Variants in KIF3B observed in about 807,000 individuals in gnomAD.
KIF3B encodes kinesin-like protein KIF3B.
A neutral mutation model predicts 74.3 loss-of-function variants in KIF3B; 38 were observed. The ratio of observed to expected loss-of-function variants is 0.51; its 90% CI spans 0.39 to 0.67. The LOEUF is 0.67. KIF3B is among the 30% of genes least tolerant of loss of function. The pLI, the probability that KIF3B is intolerant of heterozygous loss-of-function variation, is 0.00. For missense variants in KIF3B, 649 were observed against 932.0 expected (o/e 0.70, Z 3.95); for synonymous variants, 326 against 342.5 (o/e 0.95, Z 0.53).
intron 1 of KIF3B, among the ~76,000 whole-genome samples, chr20:32,303,234 T>A (rs1012457423): frequency 1.3e-5 from 2 of 152,026 alleles, no homozygotes; most frequent in Admixed American, 6.6e-5. Context: ...TTAATCTGAA[T>A]TTTTTTTAGG....
intron 5 of KIF3B, among the ~76,000 whole-genome samples, chr20:32,323,078 TTATATATATTTATATTTATATATTTATA>T (rs2047881625): frequency 2.0e-5 from 2 of 99,854 alleles, no homozygotes; most frequent in South Asian, 5.1e-4. Flanking sequence ...ATTTATATAT[TTATATATATTTATATTTATATATTTATA>T]TATATTTATA....
intron 1 of KIF3B, among the ~76,000 whole-genome samples, chr20:32,295,908 G>A (rs1288606170): frequency 1.4e-5 from 2 of 143,398 alleles, no homozygotes; most frequent in African/African-American, 5.2e-5. Context: ...ACTGTCGCCT[G>A]GGCTGGAGTG....
intron 1 of KIF3B, among the ~76,000 whole-genome samples, chr20:32,297,040 C>G (rs2047720223): frequency 6.6e-6 from 1 of 151,914 alleles, no homozygotes. Flanking sequence ...CAGCTGCTTC[C>G]CCCGAGAGAA....
At chr20:32,285,139 A>G (rs535257829) in intron 1 of KIF3B, among the ~76,000 whole-genome samples, 1 of 150,812 alleles carries the variant, frequency 6.6e-6, no homozygotes, top group South Asian at 2.1e-4. Context: ...AGAATGTTTG[A>G]GAAAATCAAG....
At position 32,310,049 on chromosome 20, in the gene KIF3B, C is replaced by A; in HGVS notation, c.272C>A (p.Thr91Asn). The change falls in exon 2 of 9, where the codon ACC becomes AAC. Residue 91 changes from threonine to asparagine, a missense_variant. Around this residue, in one of 4 missense-constraint regions of KIF3B, gnomAD observed 96 missense variants for 119.0 expected, o/e 0.81. Transcript: ENST00000375712. The surrounding 1 kb of genome is among the most constrained non-coding windows in gnomAD (Gnocchi z 6.5). ...TCTGTCCTGCAAGGTTTCAATGGAA[C>A]CATTTTTGCCTATGGACAAACTGGG... ...VDSVLQGFNG[T>N]IFAYGQTGTG... The A allele has an allele frequency of 6.2e-7, 1 of 1,614,144 alleles. No homozygotes were observed. Among genetic ancestry groups the A allele is most frequent in the Non-Finnish European group, 8.5e-7 (1 of 1,180,026 alleles).
intron 1 of KIF3B, among the ~76,000 whole-genome samples, chr20:32,285,968 G>T (rs746457627): frequency 6.6e-6 from 1 of 152,176 alleles, no homozygotes; most frequent in Non-Finnish European, 1.5e-5. Context: ...CGGACATTGA[G>T]CTCTTCACAC....
At chr20:32,314,374 T>A (rs1044581609) in intron 2 of KIF3B, among the ~76,000 whole-genome samples, 2 of 152,068 alleles carry the variant, frequency 1.3e-5, no homozygotes, top group African/African-American at 4.8e-5. Context: ...ACCCTGTCTC[T>A]ACTAAGAATA....
At chr20:32,326,026 T>C (rs2047902423) in intron 5 of KIF3B, among the ~76,000 whole-genome samples, 1 of 152,144 alleles carries the variant, frequency 6.6e-6, no homozygotes, top group South Asian at 2.1e-4. Context: ...CACAGTACCC[T>C]ATACCTCTGT....
In KIF3B at chr20:32,310,731, G is replaced by C; in HGVS notation, c.954G>C (p.Gly318=). 6.2e-7 allele frequency: 1 copy of C among 1,614,150 alleles called. No homozygotes were observed. Residue 318 remains glycine, a synonymous_variant, in exon 2 of 9, where the codon GGG becomes GGC. Coordinates refer to ENST00000375712, the MANE Select transcript of KIF3B (RefSeq NM_004798.4). The surrounding 1 kb of genome is among the most constrained non-coding windows in gnomAD (Gnocchi z 6.5). ...AGACTGTGATGGTGGCCAACGTGGG[G>C]CCTGCCTCTTACAACGTAGAAGAGA... is the stretch of plus-strand genomic sequence containing the variant. The part of the protein sequence containing the change: ...NAKTVMVANV[G]PASYNVEETL...
At chr20:32,286,198 A>G (rs1013032625) in intron 1 of KIF3B, among the ~76,000 whole-genome samples, 1 of 152,136 alleles carries the variant, frequency 6.6e-6, no homozygotes, top group Non-Finnish European at 1.5e-5. Context: ...GGACTTAACC[A>G]CTCTGGAGTC....
At chr20:32,311,975 G>A (rs981347875) in intron 2 of KIF3B, among the ~76,000 whole-genome samples, 39 of 151,776 alleles carry the variant, frequency 2.6e-4, no homozygotes, top group African/African-American at 9.4e-4. Flanking sequence ...GCTAAGTTTT[G>A]TATTTTTAGT....
At chr20:32,281,773 T>C (rs2047644152) in intron 1 of KIF3B, among the ~76,000 whole-genome samples, 1 of 152,004 alleles carries the variant, frequency 6.6e-6, no homozygotes, top group African/African-American at 2.4e-5. Context: ...GCTAGGATGG[T>C]GACGTTTTTG....
intron 1 of KIF3B, among the ~76,000 whole-genome samples, chr20:32,304,066 G>T (rs992544854): frequency 1.3e-5 from 2 of 152,110 alleles, no homozygotes; most frequent in African/African-American, 2.4e-5. Context: ...CCATAAGAAA[G>T]AAGAATTATA....
chr20:32,322,736 A>ATATATTTATTTATATATATATT (rs2047870664), intron 5 of KIF3B, among the ~76,000 whole-genome samples: 3 of 63,826 alleles, frequency 4.7e-5, no homozygotes, highest in African/African-American at 8.6e-5. Flanking sequence ...ATTTATTTAT[A>ATATATTTATTTATATATATATT]TATATTTATT....
chr20:32,279,771 T>A (rs1478252584), intron 1 of KIF3B, among the ~76,000 whole-genome samples: 1 of 152,202 alleles, frequency 6.6e-6, no homozygotes, highest in Non-Finnish European at 1.5e-5. Flanking sequence ...GCCTGAGAGC[T>A]GGAATCTTTA....
chr20:32,305,305 A>G (rs187935366), intron 1 of KIF3B, among the ~76,000 whole-genome samples: 216 of 152,196 alleles, frequency 1.4e-3, no homozygotes, highest in African/African-American at 4.8e-3. Context: ...TCAAGGCTGC[A>G]GTGAGCTGTC....
At chr20:32,311,396 A>G (rs1327107859) in intron 2 of KIF3B, among the ~76,000 whole-genome samples, 1 of 152,168 alleles carries the variant, frequency 6.6e-6, no homozygotes, top group Non-Finnish European at 1.5e-5. Flanking sequence ...ATTCATAATG[A>G]GAATAATTAT....
intron 5 of KIF3B, among the ~76,000 whole-genome samples, chr20:32,322,754 A>T (rs1359840101): frequency 0.014 from 609 of 42,048 alleles, 11 homozygotes; most frequent in Non-Finnish European, 0.017. Context: ...ATTTATATAT[A>T]TATTTATATA....
At chr20:32,323,972 G>C (rs1332535181) in intron 5 of KIF3B, among the ~76,000 whole-genome samples, 1 of 152,104 alleles carries the variant, frequency 6.6e-6, no homozygotes, top group Non-Finnish European at 1.5e-5. Flanking sequence ...AGGCGGGAGT[G>C]GTGGCATGTG....
Sources: allele counts gnomAD v4.1 joint callset (sites outside exome capture counted in the v4.1 genomes callset), GRCh38; gene constraint gnomAD v4.1.1; regional missense constraint gnomAD v4.1.1; non-coding constraint Gnocchi (gnomAD v3.1); transcripts MANE v1.5; gene names NCBI Gene and HGNC (gene_info 2026-07-23, HGNC 2026-07-21).